PLIN3: variants seen among roughly 807,000 people sequenced by gnomAD.
The protein encoded by PLIN3 is perilipin 3.
PLIN3 carries 30 observed loss-of-function variants against 35.9 expected under a neutral mutation model. The observed-to-expected ratio is 0.84, with a 90% CI of 0.62 to 1.13. The LOEUF is 1.13. Among genes scored for constraint, PLIN3 ranks in the 50% most tolerant of loss-of-function variants. The pLI is 0.00. For missense variants in PLIN3, 603 were observed against 596.9 expected, an observed-to-expected ratio of 1.01 and a Z score of -0.11; for synonymous variants, 261 against 262.5, an observed-to-expected ratio of 0.99 and a Z score of 0.06.
chr19:4,848,018 C>T, intron 5 of PLIN3, 128 bp from the exon 6 acceptor site: 1 of 747,488 alleles, frequency 1.3e-6, no homozygotes, highest in South Asian at 1.6e-5. Flanking sequence ...GAGTCTCGCT[C>T]TGTCGCCCAG....
chr19:4,847,483 G>T (rs2030139439), intron 6 of PLIN3, among the ~76,000 whole-genome samples: 1 of 152,094 alleles, frequency 6.6e-6, no homozygotes, highest in Admixed American at 6.6e-5. Context: ...ACACAAAGAG[G>T]TGTGAGCCAC....
chr19:4,846,273 G>A (rs1304113159), intron 6 of PLIN3, among the ~76,000 whole-genome samples: 2 of 149,580 alleles, frequency 1.3e-5, no homozygotes, highest in Non-Finnish European at 3.0e-5. Flanking sequence ...AGTGAGCCAT[G>A]ATCATCCACT....
At position 4,852,277 on chromosome 19, in the gene PLIN3, C is replaced by G; in HGVS notation, c.373G>C (p.Val125Leu). The change falls in exon 5 of 8, where the codon GTG (valine) becomes CTG (leucine). Residue 125 changes from valine to leucine, a missense_variant. By Grantham distance (32) the Val-to-Leu change is conservative. Transcript: ENST00000221957. Reference sequence around the variant, plus strand: ...TGGGCCCCCGACACCTTAGACGACACAAGCTCCTTGGTGTCCGCCAGGACC... The same window carrying G: ...TGGGCCCCCGACACCTTAGACGACAGAAGCTCCTTGGTGTCCGCCAGGACC... ...EKVLADTKEL[V>L]SSKVSGAQEM... The G allele has an allele frequency of 6.2e-7, 1 of 1,604,192 alleles. No homozygotes were observed. The highest frequency in any genetic ancestry group is 8.5e-7 in the Non-Finnish European group (1 of 1,179,922).
intron 2 of PLIN3, 131 bp from the exon 3 acceptor site, chr19:4,860,155 TC>T: frequency 1.4e-6 from 1 of 726,002 alleles, no homozygotes; most frequent in Non-Finnish European, 2.4e-6. Flanking sequence ...ACACTTTGCA[TC>T]CAGGCAGTTG....
chr19:4,863,380 C>A (rs1599177463), intron 1 of PLIN3, among the ~76,000 whole-genome samples: 1 of 149,508 alleles, frequency 6.7e-6, no homozygotes, highest in Middle Eastern at 3.7e-3. Context: ...GCCTGTAATC[C>A]CAGCTATTCA....
At chr19:4,863,926 T>C (rs1204042862) in intron 1 of PLIN3, among the ~76,000 whole-genome samples, 1 of 151,868 alleles carries the variant, frequency 6.6e-6, no homozygotes, top group East Asian at 1.9e-4. Context: ...ATGTGTTAAA[T>C]AGGGCAAACT....
intron 4 of PLIN3, among the ~76,000 whole-genome samples, chr19:4,853,259 C>A (rs2030363867): frequency 6.6e-6 from 1 of 152,008 alleles, no homozygotes. Context: ...TCAGCTTCCC[C>A]AGCGAGTAGC....
chr19:4,848,905 C>T (rs773376314), intron 5 of PLIN3, among the ~76,000 whole-genome samples: 1 of 152,058 alleles, frequency 6.6e-6, no homozygotes, highest in Non-Finnish European at 1.5e-5. Flanking sequence ...CAACAATGGA[C>T]TGCATATACT....
At chr19:4,841,808 G>A (rs1422544171) in intron 7 of PLIN3, among the ~76,000 whole-genome samples, 1 of 150,338 alleles carries the variant, frequency 6.7e-6, no homozygotes, top group South Asian at 2.1e-4. Context: ...AGGAGGCTGA[G>A]GCAGGAGAAT....
At position 4,843,510 on chromosome 19, in the gene PLIN3, A is replaced by AAAAAAAATAAATAAAT. The variant is rs1555733213; in HGVS notation, c.960+1157_960+1158insATTTATTTATTTTTTT. ...GTGACAGAGCGAGACTCCATCTCAA[A>AAAAAAAATAAATAAAT]AAATAAATAAATAAATAAATAAATA... On this transcript the variant is annotated intron_variant, in intron 7 of 7. Transcript: ENST00000221957. Among the ~76,000 whole-genome samples the AAAAAAAATAAATAAAT allele has an allele frequency of 3.6e-3, 496 of 139,522 alleles. 5 individuals carry two copies. Among genetic ancestry groups the AAAAAAAATAAATAAAT allele is most frequent in the Non-Finnish European group, 5.2e-3 (340 of 64,996 alleles). The allele number at this position is 139,522 out of a possible 152,430, so 91.5% of individuals were successfully genotyped here.
intron 4 of PLIN3, among the ~76,000 whole-genome samples, chr19:4,858,294 A>AAG (rs34013753): frequency 1.3e-5 from 2 of 149,416 alleles, no homozygotes; most frequent in African/African-American, 4.9e-5. Context: ...AAAAAAAAAA[A>AAG]GTGAGGCCCA....
chr19:4,841,809 G>A (rs2029898273), intron 7 of PLIN3, among the ~76,000 whole-genome samples: 2 of 149,390 alleles, frequency 1.3e-5, no homozygotes, highest in Admixed American at 6.8e-5. Flanking sequence ...GGAGGCTGAG[G>A]CAGGAGAATG....
chr19:4,859,796 G>C (rs1476461948), intron 3 of PLIN3, 30 bp downstream of exon 3: 2 of 1,610,436 alleles, frequency 1.2e-6, no homozygotes, highest in South Asian at 2.2e-5. Flanking sequence ...ACCAGGAGGG[G>C]AATTCAGTGC....
chr19:4,839,451 T>C lies in PLIN3; in HGVS notation c.1046A>G (p.Gln349Arg). 6.3e-7 allele frequency: 1 copy of C among 1,591,078 alleles called. No individual in the cohort carries two copies. Among genetic ancestry groups the C allele is most frequent in the Non-Finnish European group, 8.6e-7 (1 of 1,164,586 alleles). The change falls in exon 8 of 8, where the codon CAG becomes CGG. Residue 349 changes from glutamine (Q) to arginine (R), a missense_variant. Physicochemically the swap from Gln to Arg is conservative, Grantham distance 43. Coordinates refer to ENST00000221957, the MANE Select transcript of PLIN3 (RefSeq NM_005817.5). The part of the protein sequence containing the change: ...ATCTSLGSSI[Q>R]GLPTNVKDQV... ...GTCCTTCACATTGGTGGGGAGGCCC[T>C]GAATGCTGGACCCCAGGGAGGTACA...
intron 7 of PLIN3, among the ~76,000 whole-genome samples, chr19:4,842,148 C>T (rs553542275): frequency 7.4e-4 from 112 of 151,496 alleles, no homozygotes; most frequent in Non-Finnish European, 1.3e-3. Context: ...AAAATTAGGC[C>T]GGGCGCAGTG....
At chr19:4,854,579 A>G (rs532141805) in intron 4 of PLIN3, among the ~76,000 whole-genome samples, 1 of 151,808 alleles carries the variant, frequency 6.6e-6, no homozygotes, top group East Asian at 1.9e-4. Flanking sequence ...AATTTTTTGT[A>G]TTTTTAGTAG....
intron 7 of PLIN3, among the ~76,000 whole-genome samples, chr19:4,843,316 G>A (rs907792695): frequency 6.6e-6 from 1 of 151,950 alleles, no homozygotes; most frequent in African/African-American, 2.4e-5. Context: ...ACCATCCCGG[G>A]TAACACGGTG....
chr19:4,855,424 C>T (rs908922415), intron 4 of PLIN3, among the ~76,000 whole-genome samples: 6 of 152,070 alleles, frequency 3.9e-5, no homozygotes, highest in South Asian at 4.1e-4. Flanking sequence ...TCCTGGTTGA[C>T]GTTTCCCATC....
chr19:4,842,892 T>C (rs1238892174), intron 7 of PLIN3, among the ~76,000 whole-genome samples: 2 of 152,166 alleles, frequency 1.3e-5, no homozygotes, highest in African/African-American at 4.8e-5. Flanking sequence ...GCCCTTACTA[T>C]GTGCTTTTGA....
Sources: allele counts gnomAD v4.1 joint callset (sites outside exome capture counted in the v4.1 genomes callset), GRCh38; gene constraint gnomAD v4.1.1; transcripts MANE v1.5; gene names NCBI Gene and HGNC (gene_info 2026-07-23, HGNC 2026-07-21).